TDRP: variants seen among roughly 807,000 people sequenced by gnomAD.
The protein encoded by TDRP is testis development-related protein.
Under a neutral mutation model 10.5 loss-of-function variants are expected in TDRP, and 12 were observed. The observed-to-expected ratio is 1.15, with a 90% CI of 0.73 to 1.86. TDRP has a LOEUF of 1.86. TDRP is among the 40% of genes most tolerant of loss of function. TDRP has a pLI of 0.00. For missense variants in TDRP, 353 were observed against 229.2 expected, an observed-to-expected ratio of 1.54 and a Z score of -3.49; for synonymous variants, 139 against 95.4, an observed-to-expected ratio of 1.46 and a Z score of -2.67.
intron 1 of TDRP, among the ~76,000 whole-genome samples, chr8:530,094 G>T (rs1056448161): frequency 3.0e-4 from 45 of 152,016 alleles, no homozygotes; most frequent in African/African-American, 1.1e-3. Context: ...TAAATGAGCT[G>T]TTGAGTTTGA....
intron 1 of TDRP, among the ~76,000 whole-genome samples, chr8:531,333 C>T (rs1005670942): frequency 2.0e-5 from 3 of 152,174 alleles, no homozygotes; most frequent in African/African-American, 7.2e-5. Context: ...ACTTTCCACT[C>T]CACCATTGTG....
chr8:500,836 C>A (rs1801271732), intron 1 of TDRP, among the ~76,000 whole-genome samples: 1 of 152,146 alleles, frequency 6.6e-6, no homozygotes, highest in Admixed American at 6.5e-5. Context: ...CTAAGACCAA[C>A]CCAGTAATGT....
At chr8:510,440 A>G (rs1297312951) in intron 1 of TDRP, among the ~76,000 whole-genome samples, 1 of 152,212 alleles carries the variant, frequency 6.6e-6, no homozygotes, top group African/African-American at 2.4e-5. Context: ...TGTAATCTTT[A>G]TTATACCAAC....
intron 1 of TDRP, among the ~76,000 whole-genome samples, chr8:507,222 T>C (rs1293306610): frequency 6.6e-6 from 1 of 152,104 alleles, no homozygotes; most frequent in East Asian, 1.9e-4. Flanking sequence ...ATCACTTCCT[T>C]CCCTCAACAC....
At chr8:541,723 A>G (rs942768940) in intron 1 of TDRP, among the ~76,000 whole-genome samples, 5 of 152,206 alleles carry the variant, frequency 3.3e-5, no homozygotes, top group Non-Finnish European at 5.9e-5. Context: ...CACACCTACT[A>G]GGATGGACAA....
intron 1 of TDRP, among the ~76,000 whole-genome samples, chr8:514,545 C>T (rs1428503992): frequency 6.6e-6 from 1 of 152,132 alleles, no homozygotes; most frequent in Non-Finnish European, 1.5e-5. Flanking sequence ...GACACCACTG[C>T]CAAGTCTGTT....
chr8:520,308 T>C (rs1801867807), intron 1 of TDRP, among the ~76,000 whole-genome samples: 1 of 152,200 alleles, frequency 6.6e-6, no homozygotes. Context: ...GGCTGAATAA[T>C]ATTCCATTGA....
rs1446692060 is a variant in TDRP, at chr8:535,588, T to C, written c.108+9062A>G. 5.3e-5 allele frequency among the ~76,000 whole-genome samples: 8 copies of C among 151,914 alleles called. No homozygotes were observed. In the South Asian group the frequency reaches 6.2e-4, roughly 12 times the overall value. On this transcript the variant is annotated intron_variant, in intron 1 of 2. Coordinates refer to ENST00000324079, the MANE Select transcript of TDRP (RefSeq NM_001384899.1). ...CTTTTAACTCCTAAGACAAGGCTGA[T>C]GAGCCCCACATGTACATCCACTCCC...
chr8:523,008 T>G (rs1468528767), intron 1 of TDRP, among the ~76,000 whole-genome samples: 1 of 152,176 alleles, frequency 6.6e-6, no homozygotes, highest in Non-Finnish European at 1.5e-5. Flanking sequence ...TTTAATCCAT[T>G]TACATGGAAA....
At position 492,310 on chromosome 8, in the gene TDRP, A is replaced by G; in HGVS notation, c.*89T>C. 5.8e-6 allele frequency: 8 copies of G among 1,379,812 alleles called. No homozygotes were observed. The highest frequency in any genetic ancestry group is 6.6e-6 in the Non-Finnish European group (7 of 1,063,766). The allele number at this position is 1,379,812 out of a possible 1,614,324, so 85.5% of individuals were successfully genotyped here. ...AATATAGGCAAAAAGTAGACTCTCT[A>G]TTCTTTCTAACGCGGAAAAGACTCA... On this transcript the variant is annotated 3_prime_UTR_variant, in exon 3 of 3. Coordinates refer to ENST00000324079, the MANE Select transcript of TDRP (RefSeq NM_001384899.1).
intron 1 of TDRP, among the ~76,000 whole-genome samples, chr8:510,866 C>G (rs139282494): frequency 6.6e-6 from 1 of 152,282 alleles, no homozygotes; most frequent in African/African-American, 2.4e-5. Flanking sequence ...CTTCCCAGAA[C>G]TAGTCTGAAA....
At chr8:519,077 A>G (rs199556994) in intron 1 of TDRP, among the ~76,000 whole-genome samples, 7 of 46,328 alleles carry the variant, frequency 1.5e-4, no homozygotes, top group African/African-American at 2.1e-4. Flanking sequence ...CCAAAGAGAG[A>G]AGGAGGGCTA....
intron 1 of TDRP, among the ~76,000 whole-genome samples, chr8:528,707 T>C (rs1399479879): frequency 6.6e-6 from 1 of 152,204 alleles, no homozygotes; most frequent in Non-Finnish European, 1.5e-5. Flanking sequence ...GATTATTATG[T>C]ATTATATGCC....
rs1037744522 is a variant in TDRP, at chr8:527,649, T to C, written c.108+17001A>G. 1.8e-4 allele frequency among the ~76,000 whole-genome samples: 27 copies of C among 152,148 alleles called. No homozygotes were observed. The East Asian group carries it at 2.3e-3, about 13-fold the overall frequency. ...TTTACAAAGATACCAAGAACATACA[T>C]TGGGAAAAGGACAATCTCTTCAATA... On this transcript the variant is annotated intron_variant, in intron 1 of 2. Coordinates refer to ENST00000324079, the MANE Select transcript of TDRP (RefSeq NM_001384899.1).
At chr8:511,443 A>C (rs1801614031) in intron 1 of TDRP, among the ~76,000 whole-genome samples, 1 of 152,210 alleles carries the variant, frequency 6.6e-6, no homozygotes, top group South Asian at 2.1e-4. Context: ...TTACATGTAC[A>C]TAGTAACAAG....
intron 1 of TDRP, chr8:494,840 A>G (rs1801083801): frequency 1.6e-5 from 6 of 377,508 alleles, no homozygotes; most frequent in Non-Finnish European, 2.4e-5. Flanking sequence ...TAAATTTAGT[A>G]TTAGACAAGT....
intron 1 of TDRP, among the ~76,000 whole-genome samples, chr8:543,627 T>C (rs1239879655): frequency 3.3e-5 from 5 of 151,446 alleles, no homozygotes. Context: ...ATAGTAACCA[T>C]ATTTAAGCGC....
intron 1 of TDRP, among the ~76,000 whole-genome samples, chr8:527,030 G>C (rs755410663): frequency 1.4e-4 from 21 of 152,216 alleles, no homozygotes; most frequent in South Asian, 6.2e-4. Context: ...TGAGATGGGA[G>C]GATGGCTTGA....
intron 1 of TDRP, among the ~76,000 whole-genome samples, chr8:510,635 C>G (rs2116779687): frequency 6.6e-6 from 1 of 152,312 alleles, no homozygotes; most frequent in South Asian, 2.1e-4. Context: ...CTATATCCAG[C>G]AAAGACCATC....
Sources: gnomAD v4.1 joint callset for allele counts (sites outside exome capture counted in the v4.1 genomes callset) on GRCh38, gnomAD v4.1.1 for gene constraint, MANE v1.5 for transcripts, NCBI Gene and HGNC (gene_info 2026-07-23, HGNC 2026-07-21) for gene names.